The following GALNT13 variants were observed in gnomAD, a reference collection of about 807,000 sequenced individuals.
GALNT13 encodes polypeptide N-acetylgalactosaminyltransferase 13.
GALNT13 carries 28 observed loss-of-function variants against 64.2 expected under a neutral mutation model. The observed-to-expected ratio is 0.44, with a 90% confidence interval of 0.32 to 0.60. The LOEUF (loss-of-function observed/expected upper bound fraction) is 0.60. Ranked by LOEUF, GALNT13 falls within the 20% of genes least tolerant of loss-of-function variation. The probability of loss-of-function intolerance (pLI) is 0.05; values close to 1 mark genes in which losing one functional copy is unlikely to be tolerated. For missense variants in GALNT13, 577 were observed against 669.8 expected (o/e 0.86, Z 1.53); for synonymous variants, 214 against 224.6 (o/e 0.95, Z 0.42).
intron 1 of GALNT13, among the ~76,000 whole-genome samples, chr2:153,895,320 T>C (rs1687815971): frequency 6.6e-6 from 1 of 152,192 alleles, no homozygotes; most frequent in Non-Finnish European, 1.5e-5. Context: ...ACCATTTTTT[T>C]CTATGTTCTG....
intron 3 of GALNT13, among the ~76,000 whole-genome samples, chr2:154,085,351 A>G (rs1270238334): frequency 6.6e-6 from 1 of 152,002 alleles, no homozygotes; most frequent in African/African-American, 2.4e-5. Flanking sequence ...TGTGTAAATG[A>G]CTTTTCTTTG....
chr2:153,826,411 T>C, the GALNT13 span, among the ~76,000 whole-genome samples: 1 of 152,208 alleles, frequency 6.6e-6, no homozygotes, highest in African/African-American at 2.4e-5. Flanking sequence ...CTCTCAACAG[T>C]CTCATTGTGG....
chr2:154,098,577 T>C lies in GALNT13; in HGVS notation c.143-41760T>C, dbSNP rs192881321. Among the ~76,000 whole-genome samples the C allele has an allele frequency of 4.7e-4, 72 of 152,164 alleles. No homozygotes were observed. The East Asian group carries it at 8.3e-3, about 18-fold the overall frequency. On this transcript the variant is annotated intron_variant, in intron 3 of 12. Transcript: ENST00000392825. Reference sequence around the variant, plus strand: ...AGTGAGCATTGTACCCAATAGGTAATTTTTCAACCCTTATAGGTACTTTTC... The same window carrying C: ...AGTGAGCATTGTACCCAATAGGTAACTTTTCAACCCTTATAGGTACTTTTC...
At chr2:154,445,981 T>C in intron 12 of GALNT13, 1 of 424,538 alleles carries the variant, frequency 2.4e-6, no homozygotes. Flanking sequence ...CTTTTTCTTT[T>C]TCCTCCCTTC....
chr2:154,311,569 A>G (rs896362760), intron 9 of GALNT13, among the ~76,000 whole-genome samples: 49 of 152,224 alleles, frequency 3.2e-4, no homozygotes, highest in Non-Finnish European at 5.3e-4. Flanking sequence ...AAGTGAAATT[A>G]AAATTGCTAA....
At chr2:154,095,919 T>C (rs1702051461) in intron 3 of GALNT13, among the ~76,000 whole-genome samples, 1 of 151,952 alleles carries the variant, frequency 6.6e-6, no homozygotes, top group Non-Finnish European at 1.5e-5. Flanking sequence ...AATACATAGA[T>C]TAAAGTAATC....
At chr2:153,565,047 T>C in the GALNT13 span, among the ~76,000 whole-genome samples, 1 of 152,122 alleles carries the variant, frequency 6.6e-6, no homozygotes, top group Non-Finnish European at 1.5e-5. Flanking sequence ...TGCAGATTTC[T>C]ACTTCAGTGG....
the GALNT13 span, among the ~76,000 whole-genome samples, chr2:153,664,754 G>A: frequency 2.6e-5 from 4 of 152,052 alleles, no homozygotes; most frequent in Admixed American, 6.6e-5. Context: ...CTTCTGCCAC[G>A]GCTTCAGCCA....
chr2:153,101,560 C>CT, the GALNT13 span, among the ~76,000 whole-genome samples: 9 of 152,088 alleles, frequency 5.9e-5, no homozygotes, highest in Non-Finnish European at 1.0e-4. Context: ...GCATTCTAGT[C>CT]TTTTTTTGTT....
At chr2:153,080,872 T>G in the GALNT13 span, among the ~76,000 whole-genome samples, 2 of 152,094 alleles carry the variant, frequency 1.3e-5, no homozygotes, top group Non-Finnish European at 2.9e-5. Context: ...TTTTTAATAT[T>G]CTTTTTCTCC....
At chr2:153,110,422 G>A in the GALNT13 span, among the ~76,000 whole-genome samples, 1 of 152,102 alleles carries the variant, frequency 6.6e-6, no homozygotes. Flanking sequence ...TTTGGTAAAG[G>A]ATTCTTTTTG....
At chr2:153,171,329 TTAGA>T in the GALNT13 span, among the ~76,000 whole-genome samples, 2 of 152,200 alleles carry the variant, frequency 1.3e-5, no homozygotes, top group Non-Finnish European at 2.9e-5. Context: ...GGTTACATCA[TTAGA>T]TAGTGAGCAT....
At chr2:154,205,356 A>G (rs1227209681) in intron 4 of GALNT13, among the ~76,000 whole-genome samples, 1 of 152,190 alleles carries the variant, frequency 6.6e-6, no homozygotes, top group Non-Finnish European at 1.5e-5. Context: ...AGTAGCCACT[A>G]GTTATTCGAG....
intron 11 of GALNT13, among the ~76,000 whole-genome samples, chr2:154,435,568 C>T (rs899596470): frequency 6.6e-6 from 1 of 152,130 alleles, no homozygotes; most frequent in African/African-American, 2.4e-5. Context: ...TAATACAATG[C>T]TGAAATTATC....
At chr2:154,224,198 T>G (rs765450623) in intron 4 of GALNT13, among the ~76,000 whole-genome samples, 9 of 152,090 alleles carry the variant, frequency 5.9e-5, no homozygotes, top group Non-Finnish European at 1.3e-4. Context: ...AAATTTCTTG[T>G]GAAGAAATGT....
At chr2:154,112,819 G>A (rs1366368816) in intron 3 of GALNT13, among the ~76,000 whole-genome samples, 3 of 152,126 alleles carry the variant, frequency 2.0e-5, no homozygotes, top group African/African-American at 7.2e-5. Flanking sequence ...CTCTTTCTCT[G>A]TCAACTGATC....
At chr2:153,168,679 T>G in the GALNT13 span, among the ~76,000 whole-genome samples, 1 of 152,214 alleles carries the variant, frequency 6.6e-6, no homozygotes, top group African/African-American at 2.4e-5. Context: ...GTGATTCAGT[T>G]TCTTCATCTA....
the GALNT13 span, among the ~76,000 whole-genome samples, chr2:153,686,655 C>T: frequency 5.9e-5 from 9 of 151,794 alleles, no homozygotes; most frequent in Non-Finnish European, 7.4e-5. Context: ...CTGGTTGCCC[C>T]GGCCAGGACA....
chr2:153,168,469 A>G, the GALNT13 span, among the ~76,000 whole-genome samples: 2 of 152,310 alleles, frequency 1.3e-5, no homozygotes, highest in African/African-American at 4.8e-5. Flanking sequence ...ATAATTTGCT[A>G]TATATACATT....
Sources: allele counts gnomAD v4.1 joint callset (sites outside exome capture counted in the v4.1 genomes callset), GRCh38; gene constraint gnomAD v4.1.1; transcripts MANE v1.5; gene names NCBI Gene and HGNC (gene_info 2026-07-23, HGNC 2026-07-21).